Variants in TBC1D19 observed in about 807,000 individuals in gnomAD.
The protein encoded by TBC1D19 is TBC1 domain family, member 19.
TBC1D19 carries 60 observed loss-of-function variants against 89.0 expected under a neutral mutation model. The ratio of observed to expected loss-of-function variants is 0.67; its 90% CI spans 0.55 to 0.84. TBC1D19 has a LOEUF of 0.84. Ranked by LOEUF, TBC1D19 falls within the 40% of genes least tolerant of loss-of-function variation. TBC1D19 has a pLI of 0.00. For synonymous variants in TBC1D19, 189 were observed against 199.7 expected, an observed-to-expected ratio of 0.95 and a Z score of 0.45; for missense variants, 500 against 610.8, an observed-to-expected ratio of 0.82 and a Z score of 1.91.
At chr4:26,846,183 G>A in the TBC1D19 span, among the ~76,000 whole-genome samples, 5 of 152,234 alleles carry the variant, frequency 3.3e-5, no homozygotes, top group African/African-American at 1.2e-4. Context: ...ACATTTGAGT[G>A]GTTTCTACCT....
At chr4:26,677,370 G>A (rs1712918488) in intron 11 of TBC1D19, among the ~76,000 whole-genome samples, 1 of 150,446 alleles carries the variant, frequency 6.6e-6, no homozygotes, top group South Asian at 2.1e-4. Flanking sequence ...CTAGGCTGGA[G>A]TGCAGTGGTG....
chr4:26,764,387 G>A, the TBC1D19 span, among the ~76,000 whole-genome samples: 1 of 152,134 alleles, frequency 6.6e-6, no homozygotes, highest in African/African-American at 2.4e-5. Context: ...GTATGGAATT[G>A]GGGGTGGGGA....
chr4:26,767,214 T>A, the TBC1D19 span, among the ~76,000 whole-genome samples: 1 of 152,230 alleles, frequency 6.6e-6, no homozygotes, highest in Non-Finnish European at 1.5e-5. Flanking sequence ...TGTTTTGTGC[T>A]GTATTTTCCT....
At chr4:26,679,962 ATGGATGGGACCAGG>A (rs1425838806) in intron 11 of TBC1D19, among the ~76,000 whole-genome samples, 13 of 152,222 alleles carry the variant, frequency 8.5e-5, no homozygotes, top group African/African-American at 2.9e-4. Flanking sequence ...CCCACATGTC[ATGGATGGGACCAGG>A]TGGACATAAT....
intron 11 of TBC1D19, among the ~76,000 whole-genome samples, chr4:26,676,772 C>A (rs76490205): frequency 8.6e-5 from 13 of 151,584 alleles, no homozygotes; most frequent in Admixed American, 2.0e-4. Context: ...AGTGTTTAAC[C>A]TCATTGACTA....
the TBC1D19 span, among the ~76,000 whole-genome samples, chr4:26,852,597 A>C: frequency 6.6e-6 from 1 of 152,040 alleles, no homozygotes; most frequent in African/African-American, 2.4e-5. Flanking sequence ...TTCTACCTTC[A>C]GAATTTACCA....
chr4:26,599,223 A>C (rs2109976407), intron 1 of TBC1D19, among the ~76,000 whole-genome samples: 1 of 152,302 alleles, frequency 6.6e-6, no homozygotes, highest in African/African-American at 2.4e-5. Context: ...ATCCATTAGC[A>C]CTGACATTTA....
At chr4:26,725,507 G>A (rs1319089843) in intron 15 of TBC1D19, among the ~76,000 whole-genome samples, 1 of 152,058 alleles carries the variant, frequency 6.6e-6, no homozygotes, top group Non-Finnish European at 1.5e-5. Context: ...GACCTCCTGG[G>A]CTTAAGTGAT....
chr4:26,650,699 C>G (rs1657045163), intron 7 of TBC1D19, among the ~76,000 whole-genome samples: 1 of 152,122 alleles, frequency 6.6e-6, no homozygotes, highest in South Asian at 2.1e-4. Context: ...TTTTGCTGTG[C>G]AGAAGCTCTT....
At chr4:26,601,242 T>C (rs1167600304) in intron 1 of TBC1D19, among the ~76,000 whole-genome samples, 1 of 152,168 alleles carries the variant, frequency 6.6e-6, no homozygotes, top group Non-Finnish European at 1.5e-5. Flanking sequence ...TCTGTCTCTA[T>C]GAATTTAACT....
chr4:26,858,873 T>A, the TBC1D19 span: 1 of 151,614 alleles, frequency 6.6e-6, no homozygotes, highest in Non-Finnish European at 1.5e-5. Context: ...ACCCTCCCTA[T>A]CTTTAAAAGA....
intron 4 of TBC1D19, among the ~76,000 whole-genome samples, chr4:26,636,211 G>T (rs1743111694): frequency 6.6e-6 from 1 of 151,588 alleles, no homozygotes; most frequent in South Asian, 2.1e-4. Flanking sequence ...GTTTTATTTT[G>T]GTTTCAGTGA....
In TBC1D19 at chr4:26,675,339, AT is replaced by A. The variant is rs1444058871; in HGVS notation, c.816+1457del. Among the ~76,000 whole-genome samples the A allele has an allele frequency of 2.0e-5, 3 of 152,086 alleles. No homozygotes were observed. In the East Asian group the frequency reaches 5.8e-4, roughly 29 times the overall value. On this transcript the variant is annotated intron_variant, in intron 11 of 20. Transcript: ENST00000264866. ...AATAAAATAATAATCCCAGGTAATC[AT>A]TTTTTACAGTGTTCAAAAATCATTT...
intron 10 of TBC1D19, among the ~76,000 whole-genome samples, chr4:26,672,599 A>T (rs2109108878): frequency 6.6e-6 from 1 of 152,130 alleles, no homozygotes; most frequent in Non-Finnish European, 1.5e-5. Context: ...GTTCCCAGTG[A>T]CCATTCACAG....
the TBC1D19 span, among the ~76,000 whole-genome samples, chr4:26,812,421 C>A: frequency 3.3e-5 from 5 of 152,156 alleles, no homozygotes; most frequent in African/African-American, 2.4e-5. This position sits in a 1 kb window ranked among gnomAD's most constrained non-coding sequence, Gnocchi z 4.2. Flanking sequence ...CACGGAATTC[C>A]AAGAAACAAT....
chr4:26,736,142 A>C (rs1718030339), intron 16 of TBC1D19, among the ~76,000 whole-genome samples: 1 of 25,552 alleles, frequency 3.9e-5, no homozygotes, highest in African/African-American at 4.3e-5. Flanking sequence ...ACTTGGAACC[A>C]ACCCATGTCT....
intron 11 of TBC1D19, 103 bp from the exon 12 acceptor site, chr4:26,683,570 GTT>G (rs1240185329): frequency 4.8e-6 from 4 of 832,506 alleles, no homozygotes; most frequent in Non-Finnish European, 7.6e-6. Flanking sequence ...CTAACACTGA[GTT>G]CCTGCCCTTC....
intron 3 of TBC1D19, among the ~76,000 whole-genome samples, chr4:26,620,038 C>T (rs916512911): frequency 1.3e-5 from 2 of 152,158 alleles, no homozygotes; most frequent in African/African-American, 4.8e-5. Flanking sequence ...ATCATGTCTT[C>T]CTACTGCCTT....
At chr4:26,807,023 A>G in the TBC1D19 span, among the ~76,000 whole-genome samples, 1 of 152,092 alleles carries the variant, frequency 6.6e-6, no homozygotes. Flanking sequence ...ATAACACTCA[A>G]TCACTGGTGA....
Sources: gnomAD v4.1 joint callset for allele counts (sites outside exome capture counted in the v4.1 genomes callset) on GRCh38, gnomAD v4.1.1 for gene constraint, Gnocchi (gnomAD v3.1) non-coding constraint, MANE v1.5 for transcripts, NCBI Gene and HGNC (gene_info 2026-07-23, HGNC 2026-07-21) for gene names.